SHFL: variants seen among roughly 807,000 people sequenced by gnomAD.
The protein encoded by SHFL is shiftless antiviral inhibitor of ribosomal frameshifting protein.
A neutral mutation model predicts 34.7 loss-of-function variants in SHFL; 12 were observed. That is an observed-to-expected ratio of 0.35 (90% CI 0.22 to 0.56). The LOEUF (loss-of-function observed/expected upper bound fraction) is 0.56, where lower values mean the gene tolerates loss of function less well. Ranked by LOEUF, SHFL falls within the 20% of genes least tolerant of loss-of-function variation. The pLI is 0.88. For missense variants in SHFL, 278 were observed against 411.1 expected, an observed-to-expected ratio of 0.68 and a Z score of 2.80; for synonymous variants, 148 against 156.0, an observed-to-expected ratio of 0.95 and a Z score of 0.38.
Position 10,092,254 on chromosome 19 carries a change from G to C in SHFL, c.828G>C (p.Glu276Asp), listed in dbSNP as rs530613524. The C allele has an allele frequency of 1.9e-6, 3 of 1,605,802 alleles. No individual in the cohort carries two copies. Among genetic ancestry groups the C allele is most frequent in the Admixed American group, 3.4e-5 (2 of 57,980 alleles). ...TCCTGGAGGACCTGAAGGAGGAGGAGGAGGAAGAGGAGGAGGTGGAGGACG... is the reference window on the plus strand; with the variant it reads ...TCCTGGAGGACCTGAAGGAGGAGGACGAGGAAGAGGAGGAGGTGGAGGACG... Reference protein sequence around the residue: ...NLILEDLKEEEEEEEEVEDEE... With the variant: ...NLILEDLKEEDEEEEEVEDEE... Residue 276 changes from glutamate to aspartate, a missense_variant, in exon 8 of 8, where the codon GAG (glutamate) becomes GAC (aspartate). By Grantham distance (45) the Glu-to-Asp change is conservative. Transcript: ENST00000253110.
In SHFL at chr19:10,086,909, C is replaced by G. The variant is rs1433285681; in HGVS notation, c.22-20C>G. ...CCCGTTTCCCCTTCCCCCACCGGAA[C>G]CCCCCTGTCTCCATCCCAGCTGGAG... On this transcript the variant is annotated intron_variant, in intron 1 of 7. Transcript: ENST00000253110. The surrounding 1 kb of genome is among the most constrained non-coding windows in gnomAD (Gnocchi z 5.2). The G allele has an allele frequency of 6.2e-7, 1 of 1,612,286 alleles. No homozygotes were observed.
At position 10,086,806 on chromosome 19, in the gene SHFL, G is replaced by GA; in HGVS notation, c.22-123_22-122insA. 1 of 1,189,660 alleles carries GA rather than the reference G, an allele frequency of 8.4e-7. No homozygotes were observed. Among genetic ancestry groups the GA allele is most frequent in the Non-Finnish European group, 1.2e-6 (1 of 850,982 alleles). 73.7% of individuals were successfully genotyped at this position (1,189,660 alleles called of 1,614,324 possible). A position where few individuals can be genotyped will look rare whatever the true frequency, so the allele number is the denominator to read the frequency against. On this transcript the variant is annotated intron_variant, in intron 1 of 7. Coordinates refer to ENST00000253110, the MANE Select transcript of SHFL (RefSeq NM_018381.4). This position sits in a 1 kb window ranked among gnomAD's most constrained non-coding sequence, Gnocchi z 5.2. ...AATGCCGTAAAGGGATGAAAGGCGG[G>GA]GGGGGGGCGGCGGAGGCCAAAACCA...
At position 10,086,712 on chromosome 19, in the gene SHFL, A is replaced by C; in HGVS notation, c.22-217A>C. 1 of 628,946 alleles carries C rather than the reference A, an allele frequency of 1.6e-6. No individual in the cohort carries two copies. Among genetic ancestry groups the C allele is most frequent in the Non-Finnish European group, 2.7e-6 (1 of 367,610 alleles). The allele number at this position is 628,946 out of a possible 1,614,324, so 39.0% of individuals were successfully genotyped here. A position where few individuals can be genotyped will look rare whatever the true frequency, so the allele number is the denominator to read the frequency against. ...TAACCTGGCCGCCCCCCCACACCTTAGGCTGGGACGCTCGCCCCAGTCCGC... is the reference window on the plus strand; with the variant it reads ...TAACCTGGCCGCCCCCCCACACCTTCGGCTGGGACGCTCGCCCCAGTCCGC... On this transcript the variant is annotated intron_variant, in intron 1 of 7. Transcript: ENST00000253110. The surrounding 1 kb of genome is among the most constrained non-coding windows in gnomAD (Gnocchi z 5.2).
chr19:10,087,122 G>A (rs2088301353), intron 2 of SHFL, 70 bp downstream of exon 2: 1 of 1,591,470 alleles, frequency 6.3e-7, no homozygotes, highest in Admixed American at 1.8e-5. Context: ...CGTGGTCTAG[G>A]GAGAGGCGTT....
At chr19:10,090,163 G>A (rs1436740286) in intron 5 of SHFL, 116 bp downstream of exon 5, 1 of 1,193,452 alleles carries the variant, frequency 8.4e-7, no homozygotes, top group Non-Finnish European at 1.2e-6. Context: ...TCCAATCCCT[G>A]ACCTCCAAAC....
rs1599278359 is a variant in SHFL at position 10,091,938 on chromosome 19, T to C, written c.644-132T>C. 8.9e-7 allele frequency: 1 copy of C among 1,124,210 alleles called. No individual in the cohort carries two copies. Among genetic ancestry groups the C allele is most frequent in the East Asian group, 2.4e-5 (1 of 41,132 alleles). 69.6% of individuals were successfully genotyped at this position (1,124,210 alleles called of 1,614,324 possible). On this transcript the variant is annotated intron_variant, in intron 7 of 7. Coordinates refer to ENST00000253110, the MANE Select transcript of SHFL (RefSeq NM_018381.4). This position sits in a 1 kb window ranked among gnomAD's most constrained non-coding sequence, Gnocchi z 8.2. ...CTCCTGTATCTTCAACACCCCTGAA[T>C]GTCCAGTTGTGCTGGTCCCCGTATC...
Position 10,092,259 on chromosome 19 carries a change from A to G in SHFL, c.833A>G (p.Glu278Gly). ...GAGGACCTGAAGGAGGAGGAGGAGG[A>G]AGAGGAGGAGGTGGAGGACGAGGAG... ...ILEDLKEEEE[E>G]EEEVEDEEGG... The change falls in exon 8 of 8, where the codon GAA becomes GGA. Residue 278 changes from glutamate (E) to glycine (G), a missense_variant. Glu to Gly is a moderately conservative substitution (Grantham distance 98). This residue lies in a region of SHFL where 35 missense variants were observed against 24.9 expected (regional missense o/e 1.41). Coordinates refer to ENST00000253110, the MANE Select transcript of SHFL (RefSeq NM_018381.4). 1 of 1,606,136 alleles carries G rather than the reference A, an allele frequency of 6.2e-7. No individual in the cohort carries two copies. Among genetic ancestry groups the G allele is most frequent in the Admixed American group, 1.7e-5 (1 of 58,062 alleles).
At chr19:10,087,351 A>AG (rs1568462818) in intron 3 of SHFL, 51 bp downstream of exon 3, 1 of 1,607,960 alleles carries the variant, frequency 6.2e-7, no homozygotes, top group Admixed American at 1.7e-5. Flanking sequence ...AGGGAGAGCA[A>AG]GAGGGGGGAC....
chr19:10,091,930 C>A lies in SHFL; in HGVS notation c.644-140C>A. ...CCCCAGGTCTCCTGTATCTTCAACA[C>A]CCCTGAATGTCCAGTTGTGCTGGTC... On this transcript the variant is annotated intron_variant, in intron 7 of 7. Coordinates refer to ENST00000253110, the MANE Select transcript of SHFL (RefSeq NM_018381.4). The surrounding 1 kb of genome is among the most constrained non-coding windows in gnomAD (Gnocchi z 8.2). 1 of 1,082,678 alleles carries A rather than the reference C, an allele frequency of 9.2e-7. No homozygotes were observed. Among genetic ancestry groups the A allele is most frequent in the Non-Finnish European group, 1.3e-6 (1 of 743,730 alleles). The allele number at this position is 1,082,678 out of a possible 1,614,324, so 67.1% of individuals were successfully genotyped here.
Position 10,091,625 on chromosome 19 carries a change from G to C in SHFL, c.638G>C (p.Arg213Pro). The change falls in exon 7 of 8, where the codon CGG becomes CCG. Residue 213 changes from arginine (R) to proline (P), a missense_variant. Arg to Pro is a moderately radical substitution (Grantham distance 103). Around this residue, in one of 2 missense-constraint regions of SHFL, gnomAD observed 243 missense variants for 386.2 expected, o/e 0.63. Transcript: ENST00000253110. The surrounding 1 kb of genome is among the most constrained non-coding windows in gnomAD (Gnocchi z 8.2). ...HSCSAADCYN[R>P]REPHVPGTSC... ...TGCTCAGCTGCCGACTGCTACAACC[G>C]GCGAGGTGAGGCTCTTCTCCCCCAA... is the stretch of plus-strand genomic sequence containing the variant. The C allele has an allele frequency of 6.5e-7, 1 of 1,547,950 alleles. No homozygotes were observed. The highest frequency in any genetic ancestry group is 8.7e-7 in the Non-Finnish European group (1 of 1,144,856).
intron 3 of SHFL, chr19:10,087,858 A>G: frequency 6.3e-6 from 1 of 157,542 alleles, no homozygotes; most frequent in Non-Finnish European, 1.4e-5. Context: ...TGAATGAATG[A>G]ATGGCTTTGA....
intron 3 of SHFL, among the ~76,000 whole-genome samples, chr19:10,088,717 G>A (rs868146667): frequency 6.6e-6 from 1 of 152,036 alleles, no homozygotes; most frequent in Admixed American, 6.6e-5. Flanking sequence ...AGGTTGAGGC[G>A]GGCAGATCAC....
intron 3 of SHFL, among the ~76,000 whole-genome samples, chr19:10,088,545 G>A (rs916478326): frequency 1.3e-5 from 2 of 152,164 alleles, no homozygotes; most frequent in Non-Finnish European, 2.9e-5. Flanking sequence ...CTCCAGCCTG[G>A]GCAACAGAGC....
rs888144381 is a variant in SHFL at position 10,091,519 on chromosome 19, G to A, written c.532G>A (p.Gly178Ser). 5.2e-6 allele frequency: 8 copies of A among 1,548,150 alleles called. No individual in the cohort carries two copies. The highest frequency in any genetic ancestry group is 3.9e-5 in the Admixed American group (2 of 50,808). ...GTCCCCGTCCCCCTGCTACGGGTGCGGCTTCCCCGTGTATCCAACACGGAT... is the reference window on the plus strand; with the variant it reads ...GTCCCCGTCCCCCTGCTACGGGTGCAGCTTCCCCGTGTATCCAACACGGAT... Reference protein sequence around the residue: ...MGSPSPCYGCGFPVYPTRILP... With the variant: ...MGSPSPCYGCSFPVYPTRILP... Residue 178 changes from glycine (G) to serine (S), a missense_variant, in exon 7 of 8, where the codon GGC becomes AGC. By Grantham distance (56) the Gly-to-Ser change is moderately conservative. This residue lies in a region of SHFL where 243 missense variants were observed against 386.2 expected (regional missense o/e 0.63). Coordinates refer to ENST00000253110, the MANE Select transcript of SHFL (RefSeq NM_018381.4). The surrounding 1 kb of genome is among the most constrained non-coding windows in gnomAD (Gnocchi z 8.2).
In SHFL at chr19:10,092,532, A is replaced by T. The variant is rs1223358426; in HGVS notation, c.*230A>T. On this transcript the variant is annotated 3_prime_UTR_variant, in exon 8 of 8. Transcript: ENST00000253110. ...CCACAAAGAAGGTGTGGCCAGAACA[A>T]CTTGGGCTCCTGCTGACCAATGTCC... The T allele has an allele frequency of 1.9e-5, 30 of 1,548,498 alleles. No individual in the cohort carries two copies. The East Asian group carries it at 2.5e-4, about 13-fold the overall frequency.
chr19:10,089,192 T>G (rs932124848), intron 3 of SHFL: 1 of 971,272 alleles, frequency 1.0e-6, no homozygotes, highest in African/African-American at 1.6e-5. Context: ...AGTCAGAGCC[T>G]GGGCTCTAAC....
intron 2 of SHFL, 63 bp from the exon 3 acceptor site, chr19:10,087,188 G>T: frequency 6.2e-7 from 1 of 1,608,590 alleles, no homozygotes; most frequent in African/African-American, 1.3e-5. Context: ...CGCGGCTCTG[G>T]GTGGCCTGGA....
In SHFL at chr19:10,092,209, G is replaced by A; in HGVS notation, c.783G>A (p.Leu261=). 1.2e-6 allele frequency: 2 copies of A among 1,613,582 alleles called. No homozygotes were observed. The highest frequency in any genetic ancestry group is 1.7e-6 in the Non-Finnish European group (2 of 1,179,694). ...CCTGCTTGAGCCAGGGTGGCCTCCTGGAAGACCTGGACAACCTCATCCTGG... is the reference window on the plus strand; with the variant it reads ...CCTGCTTGAGCCAGGGTGGCCTCCTAGAAGACCTGGACAACCTCATCCTGG... ...VATCLSQGGL[L]EDLDNLILED... is the part of the protein sequence containing the mutation. Residue 261 remains leucine (L), a synonymous_variant, in exon 8 of 8, where the codon CTG becomes CTA. Coordinates refer to ENST00000253110, the MANE Select transcript of SHFL (RefSeq NM_018381.4).
In SHFL at chr19:10,091,994, C is replaced by T. The variant is rs998260923; in HGVS notation, c.644-76C>T. The T allele has an allele frequency of 1.1e-5, 18 of 1,581,846 alleles. No homozygotes were observed. The highest frequency in any genetic ancestry group is 1.1e-4 in the South Asian group (10 of 89,084). Reference sequence around the variant, plus strand: ...GTCTCAGCTCCTCCCTAGAGCCCCGCGTGGCCTAAGTCCCCTCCTCCCCAG... The same window carrying T: ...GTCTCAGCTCCTCCCTAGAGCCCCGTGTGGCCTAAGTCCCCTCCTCCCCAG... On this transcript the variant is annotated intron_variant, in intron 7 of 7. Transcript: ENST00000253110. This position sits in a 1 kb window ranked among gnomAD's most constrained non-coding sequence, Gnocchi z 8.2.
Sources: gnomAD v4.1 joint callset for allele counts (sites outside exome capture counted in the v4.1 genomes callset) on GRCh38, gnomAD v4.1.1 for gene constraint, gnomAD v4.1.1 regional missense constraint, Gnocchi (gnomAD v3.1) non-coding constraint, MANE v1.5 for transcripts, NCBI Gene and HGNC (gene_info 2026-07-23, HGNC 2026-07-21) for gene names.